Variants in SLIT3 observed in about 807,000 individuals in gnomAD.
The protein encoded by SLIT3 is slit guidance ligand 3, also known as slit homolog 3 protein.
A neutral mutation model predicts 184.0 loss-of-function variants in SLIT3; 68 were observed. That is an observed-to-expected ratio of 0.37 (90% CI 0.30 to 0.45). The LOEUF is 0.45. Ranked by LOEUF, SLIT3 falls within the 20% of genes least tolerant of loss-of-function variation. SLIT3 has a pLI of 1.00. For missense variants in SLIT3, 1,707 were observed against 2,026.0 expected (o/e 0.84, Z 3.02); for synonymous variants, 831 against 828.6 (o/e 1.00, Z -0.05).
chr5:168,851,363 G>T (rs576723853), intron 5 of SLIT3, among the ~76,000 whole-genome samples: 17 of 148,976 alleles, frequency 1.1e-4, no homozygotes, highest in Admixed American at 5.4e-4. Context: ...GACAAGCAGA[G>T]ATCCCACTTA....
At chr5:168,914,158 T>A (rs1315957792) in intron 4 of SLIT3, among the ~76,000 whole-genome samples, 1 of 152,244 alleles carries the variant, frequency 6.6e-6, no homozygotes, top group Non-Finnish European at 1.5e-5. Context: ...ATTTTGTGAA[T>A]ATAGTTTTAG....
At chr5:169,074,120 G>A (rs759275799) in intron 4 of SLIT3, among the ~76,000 whole-genome samples, 2 of 152,198 alleles carry the variant, frequency 1.3e-5, no homozygotes, top group African/African-American at 2.4e-5. Context: ...GATGGAGGGA[G>A]CAGTAGTTTT....
chr5:169,156,288 C>G (rs1441389766), intron 4 of SLIT3, among the ~76,000 whole-genome samples: 2 of 152,204 alleles, frequency 1.3e-5, no homozygotes, highest in Non-Finnish European at 2.9e-5. Flanking sequence ...ACCTTTTCCT[C>G]TAAGATAAAT....
At chr5:169,091,828 A>G (rs1424206049) in intron 4 of SLIT3, among the ~76,000 whole-genome samples, 1 of 152,248 alleles carries the variant, frequency 6.6e-6, no homozygotes, top group Non-Finnish European at 1.5e-5. Flanking sequence ...GTCTGCTCAC[A>G]GATGGCATGG....
intron 1 of SLIT3, among the ~76,000 whole-genome samples, chr5:169,289,160 A>C (rs970677057): frequency 1.3e-5 from 2 of 152,234 alleles, no homozygotes; most frequent in Admixed American, 6.5e-5. Context: ...GGGCAGTTAG[A>C]AAGTGACAGA....
In SLIT3 at chr5:168,712,330, G is replaced by A. The variant is rs775188622; in HGVS notation, c.2508C>T (p.Ser836=). 2.5e-6 allele frequency: 4 copies of A among 1,614,180 alleles called. No homozygotes were observed. Among genetic ancestry groups the A allele is most frequent in the Non-Finnish European group, 3.4e-6 (4 of 1,180,016 alleles). Residue 836 remains serine (S), a synonymous_variant, in exon 24 of 36, where the codon TCC becomes TCT. Coordinates refer to ENST00000519560, the MANE Select transcript of SLIT3 (RefSeq NM_003062.4). ...CGTTGAAGGAGCCTTCAGGAACGCT[G>A]GAAATGTCATTGCCATGGAGGGTTC... ...RVLTLHGNDI[S]SVPEGSFNDL...
At chr5:168,702,927 C>G (rs958280149) in intron 26 of SLIT3, among the ~76,000 whole-genome samples, 14 of 152,124 alleles carry the variant, frequency 9.2e-5, no homozygotes, top group African/African-American at 3.4e-4. Flanking sequence ...CTGGTAAGTA[C>G]CAGTGACTCC....
chr5:169,251,284 G>T, intron 2 of SLIT3, 104 bp downstream of exon 2: 1 of 793,894 alleles, frequency 1.3e-6, no homozygotes, highest in Non-Finnish European at 2.3e-6. Context: ...GTGAATTCCT[G>T]TTGTCCAGGG....
chr5:168,811,532 T>C (rs910082170), intron 8 of SLIT3, among the ~76,000 whole-genome samples: 2 of 152,196 alleles, frequency 1.3e-5, no homozygotes, highest in African/African-American at 4.8e-5. Context: ...CCTTGGAATC[T>C]CAAGAGGTAG....
intron 12 of SLIT3, among the ~76,000 whole-genome samples, chr5:168,783,551 C>T (rs543508940): frequency 2.4e-4 from 37 of 152,228 alleles, no homozygotes; most frequent in African/African-American, 7.5e-4. Context: ...TTCAGCTTTG[C>T]GAGTACCCAT....
intron 4 of SLIT3, among the ~76,000 whole-genome samples, chr5:169,044,526 AG>A (rs1318848728): frequency 6.7e-6 from 1 of 148,328 alleles, no homozygotes; most frequent in Non-Finnish European, 1.5e-5. Flanking sequence ...TGAAATACCC[AG>A]AATAGGCAAA....
chr5:168,795,522 T>C lies in SLIT3; in HGVS notation c.992A>G (p.Lys331Arg). 1 of 1,613,616 alleles carries C rather than the reference T, an allele frequency of 6.2e-7. No homozygotes were observed. The highest frequency in any genetic ancestry group is 8.5e-7 in the Non-Finnish European group (1 of 1,179,496). Residue 331 changes from lysine to arginine, a missense_variant, in exon 10 of 36, where the codon AAG becomes AGG. Transcript: ENST00000519560. ...GGAAACTCACATTCGCTTCAGTTTC[T>C]TGTACTGGGTGAAGGCTCCTGCAGG... ...AIPAGAFTQYKKLKRIDISKN... is the reference protein window; with the variant it reads ...AIPAGAFTQYRKLKRIDISKN...
chr5:168,870,976 A>G (rs1759494858), intron 5 of SLIT3, among the ~76,000 whole-genome samples: 1 of 152,188 alleles, frequency 6.6e-6, no homozygotes, highest in Non-Finnish European at 1.5e-5. Flanking sequence ...GCTATAACGA[A>G]TTACCACAAA....
intron 3 of SLIT3, among the ~76,000 whole-genome samples, chr5:169,223,727 T>C (rs1764694670): frequency 6.6e-6 from 1 of 152,212 alleles, no homozygotes. Flanking sequence ...AAAAATGATG[T>C]ACAAAATGGG....
At chr5:168,849,372 T>C (rs1758594174) in intron 5 of SLIT3, among the ~76,000 whole-genome samples, 1 of 152,226 alleles carries the variant, frequency 6.6e-6, no homozygotes, top group Non-Finnish European at 1.5e-5. Context: ...TTCCTCCTCA[T>C]GCTAAATGGG....
intron 4 of SLIT3, among the ~76,000 whole-genome samples, chr5:169,069,514 C>T (rs1422660031): frequency 1.3e-5 from 2 of 152,162 alleles, no homozygotes; most frequent in Non-Finnish European, 2.9e-5. Flanking sequence ...GAGGGCCCTA[C>T]CCTGGGTGCC....
chr5:169,174,328 G>A (rs893957547), intron 4 of SLIT3, among the ~76,000 whole-genome samples: 10 of 152,280 alleles, frequency 6.6e-5, no homozygotes, highest in Non-Finnish European at 1.2e-4. Flanking sequence ...AGACCCCCAT[G>A]AGACCACACA....
intron 5 of SLIT3, among the ~76,000 whole-genome samples, chr5:168,856,806 T>TGTGTGTGTGTGTGTGTGTGCGCGCGCGC (rs374432432): frequency 7.3e-6 from 1 of 137,740 alleles, no homozygotes; most frequent in African/African-American, 2.8e-5. Flanking sequence ...TGTGTGTGTG[T>TGTGTGTGTGTGTGTGTGTGCGCGCGCGC]GCGCGCGCGC....
intron 4 of SLIT3, among the ~76,000 whole-genome samples, chr5:168,965,061 C>A (rs1322436277): frequency 1.3e-5 from 2 of 152,166 alleles, no homozygotes; most frequent in African/African-American, 4.8e-5. Flanking sequence ...AAATGGTGCA[C>A]CCTGGGCACC....
Sources: allele counts gnomAD v4.1 joint callset (sites outside exome capture counted in the v4.1 genomes callset), GRCh38; gene constraint gnomAD v4.1.1; transcripts MANE v1.5; gene names NCBI Gene and HGNC (gene_info 2026-07-23, HGNC 2026-07-21).